Variants in ENOX2 observed in about 807,000 individuals in gnomAD.
The protein encoded by ENOX2 is APK1 antigen.
A neutral mutation model predicts 45.0 loss-of-function variants in ENOX2; 36 were observed. The ratio of observed to expected loss-of-function variants is 0.80; its 90% confidence interval spans 0.61 to 1.06. The LOEUF (loss-of-function observed/expected upper bound fraction) is 1.06. Ranked by LOEUF, ENOX2 falls within the 50% of genes least tolerant of loss-of-function variation. The pLI is 0.00. For synonymous variants in ENOX2, 174 were observed against 152.3 expected (o/e 1.14, Z -1.05); for missense variants, 423 against 462.5 (o/e 0.91, Z 0.78).
At chrX:130,649,129 C>A (rs1252131691) in intron 10 of ENOX2, among the ~76,000 whole-genome samples, 5 of 103,847 alleles carry the variant, frequency 4.8e-5, no homozygotes, top group Admixed American at 1.1e-4. Flanking sequence ...ATGATCTCTG[C>A]CTACACTGGC....
At chrX:130,815,373 C>A (rs1019148426) in intron 2 of ENOX2, among the ~76,000 whole-genome samples, 3 of 111,943 alleles carry the variant, frequency 2.7e-5, no homozygotes, top group Non-Finnish European at 5.6e-5. Flanking sequence ...GACAGGCCAA[C>A]ACTTAAATTC....
chrX:130,703,351 G>T, intron 3 of ENOX2, 97 bp from the exon 4 acceptor site: 1 of 867,474 alleles, frequency 1.2e-6, no homozygotes. Flanking sequence ...TTATAGAAAT[G>T]GCTGGAGAAA....
chrX:130,860,059 G>A (rs2078385316), intron 2 of ENOX2, among the ~76,000 whole-genome samples: 1 of 110,062 alleles, frequency 9.1e-6, no homozygotes, highest in Admixed American at 9.6e-5. Context: ...GGGATCAAGC[G>A]ATTCTGTTGT....
intron 10 of ENOX2, among the ~76,000 whole-genome samples, chrX:130,643,017 T>C (rs990323531): frequency 9.0e-6 from 1 of 111,413 alleles, no homozygotes; most frequent in Non-Finnish European, 1.9e-5. Flanking sequence ...ATGGACAAGT[T>C]AAATAAATGA....
At chrX:130,673,635 A>G (rs766787138) in intron 6 of ENOX2, among the ~76,000 whole-genome samples, 1 of 112,031 alleles carries the variant, frequency 8.9e-6, no homozygotes, top group African/African-American at 3.2e-5. Flanking sequence ...AAAATAATAA[A>G]AAAGGAATTT....
chrX:130,627,590 AG>A (rs2035582089), intron 14 of ENOX2, among the ~76,000 whole-genome samples: 1 of 111,572 alleles, frequency 9.0e-6, no homozygotes. Context: ...CAAAAAAAAA[AG>A]TTTGGTGGGT....
intron 4 of ENOX2, among the ~76,000 whole-genome samples, chrX:130,692,433 C>T (rs2037626737): frequency 8.9e-6 from 1 of 112,817 alleles, no homozygotes; most frequent in Non-Finnish European, 1.9e-5. Context: ...GGCCAAGATA[C>T]TCCTCCAAAG....
intron 2 of ENOX2, among the ~76,000 whole-genome samples, chrX:130,798,196 C>T (rs2077164061): frequency 1.8e-5 from 2 of 111,321 alleles, no homozygotes; most frequent in South Asian, 7.6e-4. Flanking sequence ...CAAGATGATC[C>T]CTTGAGTCCA....
At chrX:130,651,642 C>T (rs749929369) in intron 10 of ENOX2, among the ~76,000 whole-genome samples, 1 of 112,022 alleles carries the variant, frequency 8.9e-6, no homozygotes, top group South Asian at 3.8e-4. Flanking sequence ...TTGGCCCTTG[C>T]TGATGGGTCT....
intron 2 of ENOX2, among the ~76,000 whole-genome samples, chrX:130,804,817 G>A (rs780221826): frequency 1.8e-5 from 2 of 111,245 alleles, no homozygotes; most frequent in Non-Finnish European, 3.8e-5. Flanking sequence ...ATCTCAATTC[G>A]CAGAGATCTC....
Position 130,645,627 on chromosome X carries a change from C to G in ENOX2, c.1130-8217G>C, listed in dbSNP as rs2036208186. 7.6e-6 allele frequency: 3 copies of G among 392,906 alleles called. No individual in the cohort carries two copies. The South Asian group carries it at 1.4e-4, about 18-fold the overall frequency. The allele number at this position is 392,906 out of a possible 1,213,427, so 32.4% of individuals were successfully genotyped here. On this transcript the variant is annotated intron_variant, in intron 10 of 14. Coordinates refer to ENST00000394363, the MANE Select transcript of ENOX2 (RefSeq NM_006375.4). ...GCAGACTGGGCCGCAGGCCATGGGGCCCGCGCCCGCCTGGAGGGATGGGGC... is the reference window on the plus strand; with the variant it reads ...GCAGACTGGGCCGCAGGCCATGGGGGCCGCGCCCGCCTGGAGGGATGGGGC...
intron 10 of ENOX2, among the ~76,000 whole-genome samples, chrX:130,648,425 C>A (rs749903774): frequency 2.5e-3 from 268 of 107,166 alleles, no homozygotes; most frequent in Non-Finnish European, 4.2e-3. Flanking sequence ...GCAACAAGAG[C>A]GAAACTCCGT....
intron 3 of ENOX2, among the ~76,000 whole-genome samples, chrX:130,726,639 C>T (rs948330931): frequency 8.9e-6 from 1 of 112,294 alleles, no homozygotes; most frequent in Non-Finnish European, 1.9e-5. Context: ...GCATATCGTG[C>T]TGACATTAGA....
At chrX:130,866,008 C>T (rs188188092) in intron 2 of ENOX2, among the ~76,000 whole-genome samples, 10 of 111,504 alleles carry the variant, frequency 9.0e-5, no homozygotes, top group Non-Finnish European at 1.7e-4. Flanking sequence ...TAGTGATTCC[C>T]TATGCATACA....
At chrX:130,685,934 T>C (rs927718624) in intron 5 of ENOX2, among the ~76,000 whole-genome samples, 1 of 111,918 alleles carries the variant, frequency 8.9e-6, no homozygotes, top group African/African-American at 3.2e-5. Flanking sequence ...TATGGTTCTA[T>C]ATATGTGACA....
At chrX:130,747,500 C>G (rs2039124249) in intron 3 of ENOX2, among the ~76,000 whole-genome samples, 1 of 112,221 alleles carries the variant, frequency 8.9e-6, no homozygotes, top group Non-Finnish European at 1.9e-5. Context: ...AAAAGAACCC[C>G]AAGTACCTCC....
At chrX:130,761,774 C>T (rs1182055447) in intron 3 of ENOX2, among the ~76,000 whole-genome samples, 1 of 111,135 alleles carries the variant, frequency 9.0e-6, no homozygotes, top group Non-Finnish European at 1.9e-5. Flanking sequence ...ATGAGGACAG[C>T]ACTAAGTCAT....
intron 10 of ENOX2, among the ~76,000 whole-genome samples, chrX:130,641,718 CAAAAAAAAAAAAAAA>C (rs753792308): frequency 4.0e-4 from 14 of 34,724 alleles, no homozygotes; most frequent in Admixed American, 1.9e-3. Flanking sequence ...ACTCCATCTC[CAAAAAAAAAAAAAAA>C]AAAAAAAAGA....
chrX:130,796,578 G>A (rs1180373071), intron 2 of ENOX2, among the ~76,000 whole-genome samples: 1 of 111,516 alleles, frequency 9.0e-6, no homozygotes, highest in African/African-American at 3.3e-5. Flanking sequence ...GATAAAGATG[G>A]GGAAAAGCAT....
Sources: allele counts gnomAD v4.1 joint callset (sites outside exome capture counted in the v4.1 genomes callset), GRCh38; gene constraint gnomAD v4.1.1; transcripts MANE v1.5; gene names NCBI Gene and HGNC (gene_info 2026-07-23, HGNC 2026-07-21).